ADGRA3: variants seen among roughly 807,000 people sequenced by gnomAD.
The protein encoded by ADGRA3 is G-protein coupled receptor 125.
In ADGRA3, 56 loss-of-function variants were observed where a neutral mutation model predicts 119.8. The ratio of observed to expected loss-of-function variants is 0.47; its 90% confidence interval spans 0.38 to 0.58. The LOEUF is 0.58. Ranked by LOEUF, ADGRA3 falls within the 20% of genes least tolerant of loss-of-function variation. ADGRA3 has a pLI of 0.00. For synonymous variants in ADGRA3, 607 were observed against 623.8 expected, an observed-to-expected ratio of 0.97 and a Z score of 0.40; for missense variants, 1,516 against 1,649.0, an observed-to-expected ratio of 0.92 and a Z score of 1.40.
intron 10 of ADGRA3, among the ~76,000 whole-genome samples, chr4:22,427,987 C>T (rs1284999815): frequency 6.6e-6 from 1 of 152,152 alleles, no homozygotes; most frequent in African/African-American, 2.4e-5. Context: ...AATGAAAGTG[C>T]TCAATGTCAA....
intron 10 of ADGRA3, among the ~76,000 whole-genome samples, chr4:22,425,072 T>TA (rs756972669): frequency 0.022 from 2,885 of 128,864 alleles, 82 homozygotes; most frequent in East Asian, 0.12. Context: ...GAGACACTCT[T>TA]AAAAAAAAAA....
chr4:22,495,567 T>G (rs1718787535), intron 1 of ADGRA3, among the ~76,000 whole-genome samples: 1 of 151,972 alleles, frequency 6.6e-6, no homozygotes, highest in South Asian at 2.1e-4. Flanking sequence ...TAAAGTGACT[T>G]CCAGAAAGCA....
intron 16 of ADGRA3, among the ~76,000 whole-genome samples, chr4:22,400,256 T>G (rs1047515841): frequency 2.0e-5 from 3 of 152,166 alleles, no homozygotes; most frequent in African/African-American, 7.2e-5. Context: ...TTGTGTTCCC[T>G]GAAGCATTAC....
At chr4:22,493,195 G>A (rs894341922) in intron 1 of ADGRA3, among the ~76,000 whole-genome samples, 2 of 152,084 alleles carry the variant, frequency 1.3e-5, no homozygotes. Flanking sequence ...CAAACTCCTG[G>A]CCTCATGAGA....
At chr4:22,425,940 C>A (rs536053727) in intron 10 of ADGRA3, among the ~76,000 whole-genome samples, 4 of 152,310 alleles carry the variant, frequency 2.6e-5, no homozygotes, top group African/African-American at 9.6e-5. Flanking sequence ...CTAGCCTGAA[C>A]ACTTCACCTC....
rs374698157 is a variant in ADGRA3, at chr4:22,424,221, C to G, written c.1575G>C (p.Arg525=). 12 of 1,612,180 alleles carry G rather than the reference C, an allele frequency of 7.4e-6. No homozygotes were observed. Among genetic ancestry groups the G allele is most frequent in the Non-Finnish European group, 1.0e-5 (12 of 1,179,310 alleles). Residue 525 remains arginine (R), a synonymous_variant, in exon 11 of 19, where the codon CGG becomes CGC. Coordinates refer to ENST00000334304, the MANE Select transcript of ADGRA3 (RefSeq NM_145290.4). ...VQCLQRIATY[R]LAGGAHVYST... ...AATAAACGTGAGCTCCACCGGCTAGCCGGTAGGTAGCAATGCGCTGAAGAC... is the reference window on the plus strand; with the variant it reads ...AATAAACGTGAGCTCCACCGGCTAGGCGGTAGGTAGCAATGCGCTGAAGAC...
chr4:22,507,986 C>T (rs897273080), intron 1 of ADGRA3, among the ~76,000 whole-genome samples: 9 of 152,154 alleles, frequency 5.9e-5, no homozygotes, highest in African/African-American at 1.9e-4. Flanking sequence ...AATTTGCATC[C>T]GTCTTCTATC....
At chr4:22,397,947 G>T (rs1714434506) in intron 16 of ADGRA3, 2 of 313,802 alleles carry the variant, frequency 6.4e-6, no homozygotes, top group Non-Finnish European at 9.3e-6. Flanking sequence ...AACACTGGGG[G>T]ATACAGGAAC....
chr4:22,474,667 A>C (rs1322687869), intron 1 of ADGRA3, among the ~76,000 whole-genome samples: 1 of 152,182 alleles, frequency 6.6e-6, no homozygotes, highest in East Asian at 1.9e-4. Flanking sequence ...ACCAAGGCAC[A>C]AAAGAGTTAA....
intron 2 of ADGRA3, among the ~76,000 whole-genome samples, chr4:22,468,495 G>T (rs900947485): frequency 1.3e-5 from 2 of 152,182 alleles, no homozygotes; most frequent in East Asian, 3.9e-4. Flanking sequence ...GACTCGGTGC[G>T]GTGGTTCACA....
At chr4:22,496,544 T>A (rs1718831632) in intron 1 of ADGRA3, among the ~76,000 whole-genome samples, 1 of 152,196 alleles carries the variant, frequency 6.6e-6, no homozygotes, top group Admixed American at 6.5e-5. Flanking sequence ...CAGTCCGTGG[T>A]CCAAATCCTG....
chr4:22,410,484 G>T (rs1419789470), intron 14 of ADGRA3, among the ~76,000 whole-genome samples: 1 of 152,016 alleles, frequency 6.6e-6, no homozygotes, highest in South Asian at 2.1e-4. Flanking sequence ...TATTCTTTAT[G>T]TCGCATTTTT....
intron 1 of ADGRA3, among the ~76,000 whole-genome samples, chr4:22,509,241 G>A (rs1719350163): frequency 6.6e-6 from 1 of 152,100 alleles, no homozygotes; most frequent in East Asian, 2.0e-4. Flanking sequence ...GGTGGCTCAT[G>A]CCTGTAGTCC....
intron 7 of ADGRA3, among the ~76,000 whole-genome samples, chr4:22,438,629 A>C (rs936401601): frequency 3.9e-5 from 6 of 152,214 alleles, no homozygotes; most frequent in African/African-American, 1.4e-4. Context: ...TAAAATACAC[A>C]ATCAGGGCAA....
intron 7 of ADGRA3, among the ~76,000 whole-genome samples, chr4:22,439,249 T>G (rs1265901854): frequency 6.6e-6 from 1 of 152,218 alleles, no homozygotes; most frequent in Non-Finnish European, 1.5e-5. Flanking sequence ...AAATTACCAA[T>G]TAATACTTTC....
intron 1 of ADGRA3, among the ~76,000 whole-genome samples, chr4:22,477,908 G>A (rs1718108478): frequency 6.6e-6 from 1 of 152,168 alleles, no homozygotes. Flanking sequence ...ATAGGGGACT[G>A]TGGAACTAGC....
At chr4:22,508,132 T>C (rs897989993) in intron 1 of ADGRA3, among the ~76,000 whole-genome samples, 3 of 152,316 alleles carry the variant, frequency 2.0e-5, no homozygotes, top group South Asian at 2.1e-4. Flanking sequence ...TTCAAGGGTA[T>C]ATGCATTCTG....
In ADGRA3 at chr4:22,481,431, G is replaced by A. The variant is rs182225876; in HGVS notation, c.258-7588C>T. ...GCCACTGGTTTTCTTTAAAGCCTAC[G>A]ACCTCTAAGAACAGTGTTTAAATTT... On this transcript the variant is annotated intron_variant, in intron 1 of 18. Transcript: ENST00000334304. Among the ~76,000 whole-genome samples the A allele has an allele frequency of 2.6e-5, 4 of 152,194 alleles. No individual in the cohort carries two copies. The East Asian group carries it at 7.7e-4, about 29-fold the overall frequency.
At chr4:22,474,100 T>C (rs1295659530) in intron 1 of ADGRA3, among the ~76,000 whole-genome samples, 1 of 152,192 alleles carries the variant, frequency 6.6e-6, no homozygotes, top group Non-Finnish European at 1.5e-5. Flanking sequence ...GAAAAGTCAA[T>C]ATGTAATAGC....
Sources: allele counts gnomAD v4.1 joint callset (sites outside exome capture counted in the v4.1 genomes callset), GRCh38; gene constraint gnomAD v4.1.1; transcripts MANE v1.5; gene names NCBI Gene and HGNC (gene_info 2026-07-23, HGNC 2026-07-21).